PRKCQ: variants seen among roughly 807,000 people sequenced by gnomAD.
PRKCQ encodes the protein protein kinase C theta.
Under a neutral mutation model 91.2 loss-of-function variants are expected in PRKCQ, and 41 were observed. The observed-to-expected ratio is 0.45, with a 90% CI of 0.35 to 0.58. The LOEUF (loss-of-function observed/expected upper bound fraction) is 0.58. Among genes scored for constraint, PRKCQ ranks in the 20% least tolerant of loss-of-function variants. The pLI is 0.00. For missense variants in PRKCQ, 673 were observed against 896.5 expected, an observed-to-expected ratio of 0.75 and a Z score of 3.18; for synonymous variants, 307 against 316.9, an observed-to-expected ratio of 0.97 and a Z score of 0.33.
At chr10:6,571,498 A>T (rs1049932643) in intron 1 of PRKCQ, among the ~76,000 whole-genome samples, 3 of 151,972 alleles carry the variant, frequency 2.0e-5, no homozygotes, top group Non-Finnish European at 4.4e-5. Context: ...GTTATTACAT[A>T]CTCCCCTTAA....
At chr10:6,530,655 C>T (rs1389281537) in intron 1 of PRKCQ, among the ~76,000 whole-genome samples, 1 of 152,142 alleles carries the variant, frequency 6.6e-6, no homozygotes, top group East Asian at 1.9e-4. Flanking sequence ...CAGATGCATG[C>T]GTTTAGGGCA....
chr10:6,414,382 C>T, the PRKCQ span, among the ~76,000 whole-genome samples: 1 of 152,126 alleles, frequency 6.6e-6, no homozygotes, highest in Admixed American at 6.5e-5. Flanking sequence ...CAGAAATGTC[C>T]AGTTCTCACC....
chr10:6,548,664 A>G (rs1420130744), intron 1 of PRKCQ, among the ~76,000 whole-genome samples: 2 of 144,270 alleles, frequency 1.4e-5, no homozygotes, highest in Non-Finnish European at 3.0e-5. Context: ...GTTCTCACTC[A>G]TAGGTGGGAA....
chr10:6,461,016 CCATCCATCCAGGTACATCCATT>C (rs1193473490), intron 14 of PRKCQ, among the ~76,000 whole-genome samples: 2 of 151,900 alleles, frequency 1.3e-5, no homozygotes, highest in African/African-American at 4.8e-5. Flanking sequence ...ATTTATCCAT[CCATCCATCCAGGTACATCCATT>C]CATCCATCCA....
chr10:6,413,599 CACACACACT>C, the PRKCQ span, among the ~76,000 whole-genome samples: 86 of 105,754 alleles, frequency 8.1e-4, 24 homozygotes, highest in African/African-American at 2.8e-3. Context: ...CACACACACA[CACACACACT>C]AGGAAGCACT....
chr10:6,566,467 A>G (rs1840840514), intron 1 of PRKCQ, among the ~76,000 whole-genome samples: 1 of 152,218 alleles, frequency 6.6e-6, no homozygotes, highest in East Asian at 1.9e-4. Context: ...AATCCTAGAC[A>G]TCCCCCTAAT....
chr10:6,526,705 T>C (rs1247321468), intron 1 of PRKCQ, among the ~76,000 whole-genome samples: 1 of 152,092 alleles, frequency 6.6e-6, no homozygotes, highest in Non-Finnish European at 1.5e-5. Context: ...ACGAGGTGGG[T>C]GTGCCCATGG....
chr10:6,448,630 A>T (rs1487230601), intron 15 of PRKCQ, among the ~76,000 whole-genome samples: 1 of 151,948 alleles, frequency 6.6e-6, no homozygotes. Context: ...TATGGTCTTG[A>T]TCTCCTGACC....
intron 1 of PRKCQ, among the ~76,000 whole-genome samples, chr10:6,561,831 T>C (rs1840644230): frequency 1.3e-5 from 2 of 152,160 alleles, no homozygotes. Flanking sequence ...GTTGATATGA[T>C]AGAACTTGCT....
the PRKCQ span, among the ~76,000 whole-genome samples, chr10:6,395,927 G>A: frequency 6.6e-6 from 1 of 152,148 alleles, no homozygotes; most frequent in Non-Finnish European, 1.5e-5. Context: ...TGACGGGTCT[G>A]AATACACCAT....
intron 1 of PRKCQ, among the ~76,000 whole-genome samples, chr10:6,525,848 G>A (rs1334689072): frequency 2.0e-5 from 3 of 152,068 alleles, no homozygotes; most frequent in African/African-American, 7.2e-5. Context: ...CAAAATGCTG[G>A]CATGGGGGTG....
intron 15 of PRKCQ, among the ~76,000 whole-genome samples, chr10:6,454,299 A>G (rs1419205490): frequency 6.6e-6 from 1 of 152,142 alleles, no homozygotes; most frequent in Non-Finnish European, 1.5e-5. Flanking sequence ...TAAGGGAGGA[A>G]AGCAGATGGA....
intron 1 of PRKCQ, among the ~76,000 whole-genome samples, chr10:6,518,169 A>G (rs908447784): frequency 2.4e-4 from 36 of 152,328 alleles, no homozygotes; most frequent in African/African-American, 8.4e-4. Flanking sequence ...CCAAAAGTCA[A>G]TTTTACTGTA....
chr10:6,419,599 T>A, the PRKCQ span, among the ~76,000 whole-genome samples: 1 of 152,250 alleles, frequency 6.6e-6, no homozygotes, highest in African/African-American at 2.4e-5. Flanking sequence ...AAGTATTCTT[T>A]TATTTGGAAT....
chr10:6,455,072 T>C (rs1457031533), intron 15 of PRKCQ, among the ~76,000 whole-genome samples: 2 of 152,000 alleles, frequency 1.3e-5, no homozygotes, highest in Non-Finnish European at 2.9e-5. Flanking sequence ...ATGGCTCAGG[T>C]GAGGCTGAGG....
chr10:6,521,904 G>T (rs4991835), intron 1 of PRKCQ, among the ~76,000 whole-genome samples: 1,511 of 144,342 alleles, frequency 0.01, 22 homozygotes, highest in Middle Eastern at 0.026. Context: ...TATGTTATGT[G>T]ATGTTATGTT....
chr10:6,530,987 CTAT>C (rs538404091), intron 1 of PRKCQ, among the ~76,000 whole-genome samples: 1 of 152,250 alleles, frequency 6.6e-6, no homozygotes, highest in South Asian at 2.1e-4. Context: ...ATTCAGAAAA[CTAT>C]TAAGTTGTTT....
chr10:6,520,783 G>A (rs1256366569), intron 1 of PRKCQ, among the ~76,000 whole-genome samples: 3 of 152,180 alleles, frequency 2.0e-5, no homozygotes, highest in Non-Finnish European at 1.5e-5. Flanking sequence ...TACAGTCCGA[G>A]TGGGGTTGAT....
intron 15 of PRKCQ, among the ~76,000 whole-genome samples, chr10:6,448,016 G>A (rs1834419509): frequency 6.6e-6 from 1 of 152,222 alleles, no homozygotes; most frequent in East Asian, 1.9e-4. Flanking sequence ...TGGTGGGAGG[G>A]CAGCCTCCGA....
Sources: gnomAD v4.1 joint callset for allele counts (sites outside exome capture counted in the v4.1 genomes callset) on GRCh38, gnomAD v4.1.1 for gene constraint, MANE v1.5 for transcripts, NCBI Gene and HGNC (gene_info 2026-07-23, HGNC 2026-07-21) for gene names.